FBN2: variants seen among roughly 807,000 people sequenced by gnomAD.
FBN2 encodes the protein fibrillin 2.
Under a neutral mutation model 355.6 loss-of-function variants are expected in FBN2, and 105 were observed. That is an observed-to-expected ratio of 0.30 (90% CI 0.25 to 0.35). The LOEUF (loss-of-function observed/expected upper bound fraction) is 0.35. Ranked by LOEUF, FBN2 falls within the 10% of genes least tolerant of loss-of-function variation. The probability of loss-of-function intolerance (pLI) is 1.00; values close to 1 mark genes in which losing one functional copy is unlikely to be tolerated. For missense variants in FBN2, 3,280 were observed against 3,758.7 expected, an observed-to-expected ratio of 0.87 and a Z score of 3.33; for synonymous variants, 1,350 against 1,301.2, an observed-to-expected ratio of 1.04 and a Z score of -0.81.
At chr5:128,377,293 G>T (rs1005632282) in intron 13 of FBN2, among the ~76,000 whole-genome samples, 5 of 152,098 alleles carry the variant, frequency 3.3e-5, no homozygotes, top group African/African-American at 9.7e-5. Context: ...TGCACTGCTA[G>T]ATATCACAAG....
chr5:128,274,522 T>C, intron 60 of FBN2, 45 bp downstream of exon 60: 1 of 987,578 alleles, frequency 1.0e-6, no homozygotes, highest in Non-Finnish European at 1.6e-6. Flanking sequence ...TTTTTATGCA[T>C]CTACTAGAAG....
At position 128,351,021 on chromosome 5, in the gene FBN2, A is replaced by G; in HGVS notation, c.2675-16T>C. 6.2e-7 allele frequency: 1 copy of G among 1,614,100 alleles called. No individual in the cohort carries two copies. ...TTCAGGCTGTCTGAAAAGGAACAGGAAAGGTTGGGGAGCTCTTACCTCTGA... is the reference window on the plus strand; with the variant it reads ...TTCAGGCTGTCTGAAAAGGAACAGGGAAGGTTGGGGAGCTCTTACCTCTGA... On this transcript the variant is annotated splice_polypyrimidine_tract_variant and intron_variant, in intron 20 of 64. Transcript: ENST00000262464.
chr5:128,393,118 G>A lies in FBN2; in HGVS notation c.1465+17C>T. ...AGGCAGGAAACTAAAGAGTCCACAGGAAAACTGACCACTTACTTAGTCCAG... is the reference window on the plus strand; with the variant it reads ...AGGCAGGAAACTAAAGAGTCCACAGAAAAACTGACCACTTACTTAGTCCAG... On this transcript the variant is annotated intron_variant, in intron 10 of 64. Coordinates refer to ENST00000262464, the MANE Select transcript of FBN2 (RefSeq NM_001999.4). The A allele has an allele frequency of 6.3e-7, 1 of 1,587,320 alleles. No homozygotes were observed. Among genetic ancestry groups the A allele is most frequent in the Non-Finnish European group, 8.7e-7 (1 of 1,155,478 alleles).
At chr5:128,416,272 G>A (rs1753195895) in intron 7 of FBN2, among the ~76,000 whole-genome samples, 1 of 152,070 alleles carries the variant, frequency 6.6e-6, no homozygotes, top group South Asian at 2.1e-4. Context: ...TGATCTGCCC[G>A]CCTCAGCCTC....
chr5:128,479,020 C>A (rs1383113459), intron 5 of FBN2, among the ~76,000 whole-genome samples: 1 of 152,162 alleles, frequency 6.6e-6, no homozygotes, highest in African/African-American at 2.4e-5. Flanking sequence ...TCAAACATGG[C>A]TGCCTGAAAT....
At chr5:128,277,829 C>T (rs770969105) in intron 58 of FBN2, 51 bp downstream of exon 58, 1 of 1,602,374 alleles carries the variant, frequency 6.2e-7, no homozygotes, top group Admixed American at 1.7e-5. Context: ...TTGCAGGAAA[C>T]AGTAGCTGAT....
rs1384218686 is a variant in FBN2 at position 128,288,552 on chromosome 5, C to T, written c.6643G>A (p.Asp2215Asn). 1 of 1,613,460 alleles carries T rather than the reference C, an allele frequency of 6.2e-7. No individual in the cohort carries two copies. The highest frequency in any genetic ancestry group is 1.3e-5 in the African/African-American group (1 of 74,906). Residue 2215 changes from aspartate (D) to asparagine (N), a missense_variant, in exon 53 of 65, where the codon GAT becomes AAT. Coordinates refer to ENST00000262464, the MANE Select transcript of FBN2 (RefSeq NM_001999.4). ...DYTGVRCVDT[D>N]ECSIGNPCGN... ...CACGGATTGCCGATTGAACACTCAT[C>T]AGTATCTGAAAAAGAAGAATAAGAA...
chr5:128,335,729 A>C, intron 28 of FBN2, 152 bp from the exon 29 acceptor site: 1 of 1,048,668 alleles, frequency 9.5e-7, no homozygotes, highest in Admixed American at 1.8e-5. Flanking sequence ...TTTCACCTTC[A>C]TTTTAGGCAG....
intron 34 of FBN2, among the ~76,000 whole-genome samples, chr5:128,322,775 T>C (rs1409877401): frequency 1.3e-5 from 2 of 152,128 alleles, no homozygotes; most frequent in African/African-American, 4.8e-5. Flanking sequence ...TTTGGTTCCA[T>C]AATTTAAGGT....
intron 5 of FBN2, among the ~76,000 whole-genome samples, chr5:128,472,381 CTGTT>C (rs1319087945): frequency 6.6e-6 from 1 of 152,024 alleles, no homozygotes; most frequent in East Asian, 1.9e-4. Flanking sequence ...TGAAGGCTTA[CTGTT>C]TGTTTGAGGG....
chr5:128,312,036 G>C (rs530351887), intron 37 of FBN2, 83 bp from the exon 38 acceptor site: 2 of 913,076 alleles, frequency 2.2e-6, no homozygotes, highest in East Asian at 5.0e-5. Context: ...CAAATGACAG[G>C]CTCAATATAC....
At chr5:128,346,059 A>C (rs995553660) in intron 23 of FBN2, among the ~76,000 whole-genome samples, 3 of 152,140 alleles carry the variant, frequency 2.0e-5, no homozygotes, top group African/African-American at 7.2e-5. Context: ...TTACATTTAA[A>C]GTTTTTTTTT....
chr5:128,310,380 ATATATATATATATATATATATAT>A (rs1371243928), intron 39 of FBN2, among the ~76,000 whole-genome samples: 2 of 12,206 alleles, frequency 1.6e-4, no homozygotes, highest in Non-Finnish European at 3.0e-4. Flanking sequence ...ATATATATAT[ATATATATATATATATATATATAT>A]TTTTTTTTTT....
intron 7 of FBN2, among the ~76,000 whole-genome samples, chr5:128,443,387 CTTA>C (rs1753973264): frequency 6.6e-6 from 1 of 152,160 alleles, no homozygotes; most frequent in African/African-American, 2.4e-5. Flanking sequence ...AATAAACTAA[CTTA>C]TTATATATCC....
intron 48 of FBN2, among the ~76,000 whole-genome samples, chr5:128,296,599 T>C (rs1224694824): frequency 6.6e-6 from 1 of 152,158 alleles, no homozygotes; most frequent in Non-Finnish European, 1.5e-5. Flanking sequence ...TATCCATTTC[T>C]TCTAGATTTT....
intron 19 of FBN2, among the ~76,000 whole-genome samples, chr5:128,358,638 A>C (rs1357491877): frequency 1.3e-5 from 2 of 152,094 alleles, no homozygotes; most frequent in African/African-American, 2.4e-5. Flanking sequence ...ATACAAGAAG[A>C]GATTTTGTAA....
chr5:128,447,351 A>C (rs1203152681), intron 6 of FBN2, among the ~76,000 whole-genome samples: 1 of 152,182 alleles, frequency 6.6e-6, no homozygotes, highest in Non-Finnish European at 1.5e-5. Context: ...AACAGCCCTG[A>C]GAAAGAGAAT....
At chr5:128,471,190 G>C (rs1429546341) in intron 5 of FBN2, among the ~76,000 whole-genome samples, 1 of 151,936 alleles carries the variant, frequency 6.6e-6, no homozygotes, top group African/African-American at 2.4e-5. Flanking sequence ...TCCTGGCTAG[G>C]TGACTAATTC....
intron 5 of FBN2, among the ~76,000 whole-genome samples, chr5:128,517,021 C>T (rs954574914): frequency 6.6e-6 from 1 of 151,962 alleles, no homozygotes; most frequent in Admixed American, 6.6e-5. Flanking sequence ...AGAAACAAAC[C>T]AACATTTAAA....
Sources: allele counts gnomAD v4.1 joint callset (sites outside exome capture counted in the v4.1 genomes callset), GRCh38; gene constraint gnomAD v4.1.1; transcripts MANE v1.5; gene names NCBI Gene and HGNC (gene_info 2026-07-23, HGNC 2026-07-21).